PCDH15: variants seen among roughly 807,000 people sequenced by gnomAD.
PCDH15 encodes protocadherin related 15, also known as protocadherin-15.
In PCDH15, 129 loss-of-function variants were observed where a neutral mutation model predicts 178.5. The observed-to-expected ratio is 0.72, with a 90% confidence interval of 0.63 to 0.84. The LOEUF (loss-of-function observed/expected upper bound fraction) is 0.84, where lower values mean the gene tolerates loss of function less well. PCDH15 is among the 40% of genes least tolerant of loss of function. PCDH15 has a pLI of 0.00. For missense variants in PCDH15, 2,230 were observed against 2,099.9 expected (o/e 1.06, Z -1.21); for synonymous variants, 800 against 732.0 (o/e 1.09, Z -1.50).
chr10:54,018,472 T>C (rs1046820579), intron 20 of PCDH15, among the ~76,000 whole-genome samples: 1 of 152,076 alleles, frequency 6.6e-6, no homozygotes, highest in Non-Finnish European at 1.5e-5. Context: ...ACTTTAACTA[T>C]AATCACTTCA....
At chr10:55,223,670 G>A (rs1373761041) in intron 1 of PCDH15, among the ~76,000 whole-genome samples, 8 of 152,006 alleles carry the variant, frequency 5.3e-5, no homozygotes, top group Non-Finnish European at 1.0e-4. Flanking sequence ...ATTTACACAA[G>A]CAAGTTATCA....
At chr10:54,098,978 T>G (rs1009584250) in intron 15 of PCDH15, among the ~76,000 whole-genome samples, 8 of 152,342 alleles carry the variant, frequency 5.3e-5, no homozygotes, top group Non-Finnish European at 1.2e-4. Flanking sequence ...ACTGGACACC[T>G]ACGAAGCAAT....
At chr10:55,002,327 T>G (rs1839813103) in intron 2 of PCDH15, among the ~76,000 whole-genome samples, 1 of 152,244 alleles carries the variant, frequency 6.6e-6, no homozygotes, top group African/African-American at 2.4e-5. Flanking sequence ...TTTACTTTCA[T>G]ACTGAATTTC....
intron 1 of PCDH15, among the ~76,000 whole-genome samples, chr10:55,205,469 C>T (rs1052920234): frequency 6.6e-5 from 10 of 151,824 alleles, no homozygotes; most frequent in Non-Finnish European, 1.5e-4. Flanking sequence ...TGTGTGTGTT[C>T]ATATATACTT....
chr10:54,447,492 T>C (rs1266767753), intron 3 of PCDH15, among the ~76,000 whole-genome samples: 1 of 151,678 alleles, frequency 6.6e-6, no homozygotes, highest in Non-Finnish European at 1.5e-5. Context: ...CATGTTTGTT[T>C]TTAAGTGCCT....
chr10:54,175,232 G>A (rs558406715), intron 13 of PCDH15, among the ~76,000 whole-genome samples: 11 of 152,048 alleles, frequency 7.2e-5, no homozygotes, highest in South Asian at 4.1e-4. Context: ...AGAAATTGTC[G>A]TCTATGGCCA....
chr10:54,770,746 C>T (rs965040962), intron 1 of PCDH15, among the ~76,000 whole-genome samples: 1 of 151,900 alleles, frequency 6.6e-6, no homozygotes, highest in Non-Finnish European at 1.5e-5. Flanking sequence ...TAGAAACTTA[C>T]AAGGAGGGAA....
intron 21 of PCDH15, among the ~76,000 whole-genome samples, chr10:53,970,394 T>A (rs889413276): frequency 6.6e-6 from 1 of 151,928 alleles, no homozygotes; most frequent in African/African-American, 2.4e-5. Context: ...GACTTAGACT[T>A]CCACACAATA....
chr10:53,918,226 A>G (rs771607119), intron 25 of PCDH15, among the ~76,000 whole-genome samples: 19 of 152,128 alleles, frequency 1.2e-4, no homozygotes, highest in Non-Finnish European at 2.1e-4. Flanking sequence ...TACTTCCAAT[A>G]TTTCTTTAAA....
intron 2 of PCDH15, among the ~76,000 whole-genome samples, chr10:55,553,147 A>G (rs1842030867): frequency 6.6e-6 from 1 of 151,504 alleles, no homozygotes; most frequent in Non-Finnish European, 1.5e-5. Context: ...CCACAGAATA[A>G]GTGATGGTTA....
At chr10:53,906,989 C>T (rs2082727560) in intron 25 of PCDH15, 1 of 151,960 alleles carries the variant, frequency 6.6e-6, no homozygotes, top group African/African-American at 2.4e-5. Context: ...AGTGTGTCTA[C>T]TTAAAGAATG....
At chr10:54,186,579 T>C (rs1325290373) in intron 11 of PCDH15, among the ~76,000 whole-genome samples, 1 of 152,010 alleles carries the variant, frequency 6.6e-6, no homozygotes, top group Non-Finnish European at 1.5e-5. Context: ...GTAGCTTCTA[T>C]GTTCAGGATT....
intron 1 of PCDH15, among the ~76,000 whole-genome samples, chr10:55,285,807 A>C (rs1210038734): frequency 6.6e-6 from 1 of 152,038 alleles, no homozygotes; most frequent in African/African-American, 2.4e-5. Flanking sequence ...CACAGTCATG[A>C]CATTAAGATG....
intron 23 of PCDH15, among the ~76,000 whole-genome samples, chr10:53,955,947 T>A (rs1408677222): frequency 6.6e-6 from 1 of 152,112 alleles, no homozygotes; most frequent in Non-Finnish European, 1.5e-5. Flanking sequence ...CAGCCTGAAA[T>A]GGCATAGGCA....
intron 2 of PCDH15, among the ~76,000 whole-genome samples, chr10:54,975,455 G>C (rs890666102): frequency 1.3e-5 from 2 of 152,114 alleles, no homozygotes; most frequent in African/African-American, 2.4e-5. Context: ...GTGTTTTGCG[G>C]AACCGTAGAT....
At chr10:54,745,255 T>G (rs1945300703) in intron 1 of PCDH15, among the ~76,000 whole-genome samples, 1 of 152,164 alleles carries the variant, frequency 6.6e-6, no homozygotes, top group Admixed American at 6.5e-5. Flanking sequence ...TCCAAAATTT[T>G]ATAAATTACG....
At chr10:54,641,588 A>ACT (rs1301671313) in intron 2 of PCDH15, among the ~76,000 whole-genome samples, 2 of 137,364 alleles carry the variant, frequency 1.5e-5, no homozygotes, top group Non-Finnish European at 1.5e-5. Flanking sequence ...AACACCACAC[A>ACT]CACACACACA....
At chr10:55,452,100 C>T (rs1839448863) in intron 2 of PCDH15, among the ~76,000 whole-genome samples, 1 of 151,956 alleles carries the variant, frequency 6.6e-6, no homozygotes, top group African/African-American at 2.4e-5. Flanking sequence ...TTTGCATACC[C>T]TTTTATTAGA....
At chr10:54,882,958 A>C (rs1466731717) in intron 3 of PCDH15, among the ~76,000 whole-genome samples, 1 of 152,048 alleles carries the variant, frequency 6.6e-6, no homozygotes, top group African/African-American at 2.4e-5. Context: ...CATATAGTAC[A>C]TGCTAAGTTG....
Sources: gnomAD v4.1 joint callset for allele counts (sites outside exome capture counted in the v4.1 genomes callset) on GRCh38, gnomAD v4.1.1 for gene constraint, MANE v1.5 for transcripts, NCBI Gene and HGNC (gene_info 2026-07-23, HGNC 2026-07-21) for gene names.